Variants in NALF1 observed in about 807,000 individuals in gnomAD.
NALF1 encodes the protein family with sequence similarity 155 member A.
A neutral mutation model predicts 48.4 loss-of-function variants in NALF1; 3 were observed. The ratio of observed to expected loss-of-function variants is 0.06; its 90% CI spans 0.03 to 0.16. The LOEUF (loss-of-function observed/expected upper bound fraction) is 0.16. NALF1 is among the 10% of genes least tolerant of loss of function. The pLI is 1.00. For missense variants in NALF1, 526 were observed against 571.5 expected (o/e 0.92, Z 0.81); for synonymous variants, 262 against 245.7 (o/e 1.07, Z -0.62).
intron 1 of NALF1, among the ~76,000 whole-genome samples, chr13:107,612,212 G>A (rs1487339371): frequency 1.3e-5 from 2 of 151,454 alleles, no homozygotes; most frequent in Non-Finnish European, 2.9e-5. Flanking sequence ...CCAATTATAT[G>A]AACAATCAGA....
At position 107,525,925 on chromosome 13, in the gene NALF1, C is replaced by A. The variant is rs150087492; in HGVS notation, c.916-315170G>T. ...TTACATTTTGTGCTTATTTACTATC[C>A]ATATATCCTATTTCATAAAGTGTCT... is the stretch of plus-strand genomic sequence containing the variant. On this transcript the variant is annotated intron_variant, in intron 1 of 2. Coordinates refer to ENST00000375915, the MANE Select transcript of NALF1 (RefSeq NM_001080396.3). 1.7e-4 allele frequency among the ~76,000 whole-genome samples: 26 copies of A among 152,094 alleles called. No individual in the cohort carries two copies. In the East Asian group the frequency reaches 3.9e-3, roughly 23 times the overall value.
intron 1 of NALF1, among the ~76,000 whole-genome samples, chr13:107,527,387 A>G (rs918932003): frequency 2.6e-5 from 4 of 152,158 alleles, no homozygotes; most frequent in African/African-American, 9.7e-5. Flanking sequence ...TGGCATAGAT[A>G]TGTTCGATTT....
intron 1 of NALF1, among the ~76,000 whole-genome samples, chr13:107,511,890 G>A (rs1358144451): frequency 3.9e-5 from 6 of 152,166 alleles, no homozygotes. Flanking sequence ...TTGTTGAAAA[G>A]CATTTTGAAT....
chr13:107,834,490 A>G (rs1480977781), intron 1 of NALF1, among the ~76,000 whole-genome samples: 1 of 152,256 alleles, frequency 6.6e-6, no homozygotes, highest in Non-Finnish European at 1.5e-5. Context: ...GTGAGAGAGT[A>G]GTCATCAGAG....
At chr13:107,175,862 C>G (rs1878916465) in intron 2 of NALF1, among the ~76,000 whole-genome samples, 1 of 152,136 alleles carries the variant, frequency 6.6e-6, no homozygotes, top group Non-Finnish European at 1.5e-5. Context: ...AGGCCCTAGG[C>G]AGCCTCCTAA....
rs574949137 is a variant in NALF1 at position 107,825,620 on chromosome 13, T to C, written c.915+40062A>G. On this transcript the variant is annotated intron_variant, in intron 1 of 2. Transcript: ENST00000375915. ...AAGATATGGAAAATAAATAAATTCC[T>C]GTACTTGTAGAACATAATCAACTCC... Among the ~76,000 whole-genome samples, 7 of 152,342 alleles carry C rather than the reference T, an allele frequency of 4.6e-5. No homozygotes were observed. In the South Asian group the frequency reaches 1.5e-3, roughly 32 times the overall value.
intron 1 of NALF1, among the ~76,000 whole-genome samples, chr13:107,211,945 G>A (rs9301198): frequency 0.34 from 51,888 of 151,946 alleles, 9,892 homozygotes; most frequent in East Asian, 0.55. Flanking sequence ...TTAAGTAATA[G>A]TACTATTAGG....
intron 1 of NALF1, among the ~76,000 whole-genome samples, chr13:107,789,743 G>A (rs1227674757): frequency 2.6e-5 from 4 of 152,128 alleles, no homozygotes; most frequent in Non-Finnish European, 5.9e-5. Context: ...AATCAGAACT[G>A]GCACCCAGGT....
chr13:107,560,223 C>G (rs1172477275), intron 1 of NALF1, among the ~76,000 whole-genome samples: 1 of 152,102 alleles, frequency 6.6e-6, no homozygotes, highest in Admixed American at 6.5e-5. Flanking sequence ...GCAAAGGAAT[C>G]TGCTGAAGAA....
At chr13:107,454,390 C>T (rs1037416922) in intron 1 of NALF1, among the ~76,000 whole-genome samples, 7 of 152,162 alleles carry the variant, frequency 4.6e-5, no homozygotes, top group African/African-American at 1.7e-4. Context: ...GAAAGCAAGG[C>T]ACCTTCTTCA....
At chr13:107,683,853 G>GA (rs11445509) in intron 1 of NALF1, among the ~76,000 whole-genome samples, 78,789 of 152,096 alleles carry the variant, frequency 0.52, 21,491 homozygotes, top group Middle Eastern at 0.66. Context: ...ACATCCTGTG[G>GA]GGTCTCCTGG....
intron 1 of NALF1, among the ~76,000 whole-genome samples, chr13:107,292,397 CACTT>C (rs2138883784): frequency 6.6e-6 from 1 of 152,286 alleles, no homozygotes; most frequent in South Asian, 2.1e-4. Flanking sequence ...TTTGTAATAA[CACTT>C]GGCTTAAAAC....
chr13:107,454,528 A>G (rs1884793689), intron 1 of NALF1, among the ~76,000 whole-genome samples: 3 of 152,126 alleles, frequency 2.0e-5, no homozygotes, highest in African/African-American at 7.2e-5. Flanking sequence ...TGATTCAACT[A>G]TCTCCACTTG....
At chr13:107,451,180 C>T (rs761426639) in intron 1 of NALF1, among the ~76,000 whole-genome samples, 11 of 152,066 alleles carry the variant, frequency 7.2e-5, no homozygotes, top group Non-Finnish European at 1.5e-4. Flanking sequence ...TCTGCCAGCG[C>T]GGCCACAAGC....
chr13:107,525,504 T>C (rs189391421), intron 1 of NALF1, among the ~76,000 whole-genome samples: 1 of 152,266 alleles, frequency 6.6e-6, no homozygotes, highest in African/African-American at 2.4e-5. Context: ...CCACAGTTTG[T>C]TCATCCTTTC....
chr13:107,599,234 C>G (rs1026432572), intron 1 of NALF1, among the ~76,000 whole-genome samples: 1 of 152,024 alleles, frequency 6.6e-6, no homozygotes, highest in Non-Finnish European at 1.5e-5. Context: ...TCCTGGCTAA[C>G]ACGGTGAAAC....
At chr13:107,705,031 G>C (rs1357706528) in intron 1 of NALF1, among the ~76,000 whole-genome samples, 1 of 152,134 alleles carries the variant, frequency 6.6e-6, no homozygotes, top group African/African-American at 2.4e-5. Context: ...CGATGTGCCA[G>C]ACTTTAAATA....
At chr13:107,440,893 G>A (rs995068337) in intron 1 of NALF1, among the ~76,000 whole-genome samples, 2 of 151,844 alleles carry the variant, frequency 1.3e-5, no homozygotes, top group Non-Finnish European at 2.9e-5. Context: ...TATAATTTTC[G>A]GCAACTTCGG....
At chr13:107,236,727 ATCTATCT>A in intron 1 of NALF1, among the ~76,000 whole-genome samples, 1 of 131,968 alleles carries the variant, frequency 7.6e-6, no homozygotes, top group African/African-American at 2.9e-5. Context: ...CTATCTATCT[ATCTATCT>A]ATCATCTACA....
Sources: allele counts gnomAD v4.1 joint callset (sites outside exome capture counted in the v4.1 genomes callset), GRCh38; gene constraint gnomAD v4.1.1; transcripts MANE v1.5; gene names NCBI Gene and HGNC (gene_info 2026-07-23, HGNC 2026-07-21).